Variants in TEX47 observed in about 807,000 individuals in gnomAD.
TEX47 encodes testis expressed 47.
A neutral mutation model predicts 18.0 loss-of-function variants in TEX47; 18 were observed. That is an observed-to-expected ratio of 1.00 (90% confidence interval 0.69 to 1.48). The LOEUF (loss-of-function observed/expected upper bound fraction) is 1.48, where lower values mean the gene tolerates loss of function less well. Ranked by LOEUF, TEX47 falls within the 40% of genes most tolerant of loss-of-function variation. The pLI is 0.00. For missense variants in TEX47, 303 were observed against 300.2 expected (o/e 1.01, Z -0.07); for synonymous variants, 98 against 109.4 (o/e 0.90, Z 0.65).
In TEX47 at chr7:88,794,915, C is replaced by A. The variant is rs1429705170; in HGVS notation, c.28G>T (p.Gly10Cys). The change falls in exon 2 of 2, where the codon GGC becomes TGC. Residue 10 changes from glycine to cysteine, a missense_variant. Gly to Cys is a radical substitution (Grantham distance 159, BLOSUM62 -3). Transcript: ENST00000297203. MSFSVHNQK[G>C]SKRPLPLEPL... ...TCCAGTGGCAAAGGCCTTTTGCTGC[C>A]CTTCTGGTTATGGACCGAAAAGGAC... The A allele has an allele frequency of 6.2e-7, 1 of 1,600,690 alleles. No individual in the cohort carries two copies. Among genetic ancestry groups the A allele is most frequent in the Non-Finnish European group, 8.5e-7 (1 of 1,175,912 alleles).
At position 88,794,412 on chromosome 7, in the gene TEX47, TTGTG is replaced by T. The variant is rs778458931; in HGVS notation, c.527_530del (p.Thr176LysfsTer13). 1.5e-5 allele frequency: 24 copies of T among 1,613,664 alleles called. No homozygotes were observed. Among genetic ancestry groups the T allele is most frequent in the Non-Finnish European group, 1.9e-5 (23 of 1,179,822 alleles). ...AAAGGTAGAGTGACAGTTTATGAGT[TTGTG>T]TGAGAAAATCTGTGATGACCTCCTT... On this transcript the variant is annotated frameshift_variant, in exon 2 of 2. Transcript: ENST00000297203. LOFTEE classifies it high-confidence loss of function.
Position 88,794,341 on chromosome 7 carries a change from T to C in TEX47, c.602A>G (p.His201Arg). ...GAGGAGTAGGTCAGGTGCAACTTGG[T>C]GTAAGTTATCGCCTGGTCCTTTAGT... Reference protein sequence around the residue: ...VGTKGPGDNLHQVAPDLLLPE... With the variant: ...VGTKGPGDNLRQVAPDLLLPE... The change falls in exon 2 of 2, where the codon CAC becomes CGC. Residue 201 changes from histidine (H) to arginine (R), a missense_variant. Coordinates refer to ENST00000297203, the MANE Select transcript of TEX47 (RefSeq NM_152706.4). 1 of 1,613,920 alleles carries C rather than the reference T, an allele frequency of 6.2e-7. No homozygotes were observed. The highest frequency in any genetic ancestry group is 8.5e-7 in the Non-Finnish European group (1 of 1,179,902).
rs369839861 is a variant in TEX47, at chr7:88,794,501, C to T, written c.442G>A (p.Val148Ile). 52 of 1,613,714 alleles carry T rather than the reference C, an allele frequency of 3.2e-5. No individual in the cohort carries two copies. Among genetic ancestry groups the T allele is most frequent in the Non-Finnish European group, 4.1e-5 (48 of 1,179,834 alleles). The change falls in exon 2 of 2, where the codon GTT (valine) becomes ATT (isoleucine). Residue 148 changes from valine (V) to isoleucine (I), a missense_variant. Val to Ile is a conservative substitution (Grantham distance 29, BLOSUM62 3). Transcript: ENST00000297203. ...ATAACTGGAACTTTTATCACTGAAA[C>T]ATGCCATTGCATAAAAAGCCTCATT... The part of the protein sequence containing the change: ...IPMRLFMQWH[V>I]SVIKVPVMYL...
chr7:88,795,074 G>A lies in TEX47; in HGVS notation c.-104-28C>T, dbSNP rs1349051403. On this transcript the variant is annotated intron_variant, in intron 1 of 1. Transcript: ENST00000297203. ...GACAAAAAAAAAAAGAGTAAATCAC[G>A]GTTTGTCAAATGTTACTAAATAGTA... is the stretch of plus-strand genomic sequence containing the variant. The A allele has an allele frequency of 2.3e-5, 18 of 771,098 alleles. 1 individual carries two copies. Among genetic ancestry groups the A allele is most frequent in the Middle Eastern group, 6.5e-4 (2 of 3,100 alleles). 47.8% of individuals were successfully genotyped at this position (771,098 alleles called of 1,614,324 possible). A position where few individuals can be genotyped will look rare whatever the true frequency, so the allele number is the denominator to read the frequency against.
In TEX47 at chr7:88,794,651, G is replaced by A. The variant is rs1284447791; in HGVS notation, c.292C>T (p.His98Tyr). The stretch of plus-strand genomic sequence containing the variant: ...GTGTCGCTGGAGGACTCGAGGATAT[G>A]CAGAATGGAAGTGGGATAGATGAGC... ...LLLIYPTSIL[H>Y]ILESSSDTLY... is the part of the protein sequence containing the mutation. The change falls in exon 2 of 2, where the codon CAT becomes TAT. Residue 98 changes from histidine to tyrosine, a missense_variant. Transcript: ENST00000297203. 2 of 1,613,792 alleles carry A rather than the reference G, an allele frequency of 1.2e-6. No individual in the cohort carries two copies. Among genetic ancestry groups the A allele is most frequent in the South Asian group, 2.2e-5 (2 of 91,078 alleles).
chr7:88,794,220 C>T lies in TEX47; in HGVS notation c.723G>A (p.Leu241=). The T allele has an allele frequency of 2.5e-6, 4 of 1,612,858 alleles. No homozygotes were observed. The highest frequency in any genetic ancestry group is 2.2e-5 in the South Asian group (2 of 90,980). Residue 241 remains leucine, a synonymous_variant, in exon 2 of 2, where the codon CTG becomes CTA. Transcript: ENST00000297203. ...NMYNRPIHIT[L]DSEVVWPAPS... Reference sequence around the variant, plus strand: ...GAGCAGGCCATACCACCTCAGAATCCAGAGTGATGTGTATGGGTCTATTAT... The same window carrying T: ...GAGCAGGCCATACCACCTCAGAATCTAGAGTGATGTGTATGGGTCTATTAT...
rs1790451020 is a variant in TEX47 at position 88,794,798 on chromosome 7, T to C, written c.145A>G (p.Arg49Gly). ...TGTATCTTGGCCACTAGAAACATCC[T>C]ATCAAGAAGGAATTTCTTTAGGTGT... ...RLHLKKFLLD[R>G]MFLVAKIQAN... The change falls in exon 2 of 2, where the codon AGG becomes GGG. Residue 49 changes from arginine (R) to glycine (G), a missense_variant. Arg to Gly is a moderately radical substitution (Grantham distance 125). Coordinates refer to ENST00000297203, the MANE Select transcript of TEX47 (RefSeq NM_152706.4). The C allele has an allele frequency of 2.5e-6, 4 of 1,613,722 alleles. No individual in the cohort carries two copies. The highest frequency in any genetic ancestry group is 3.4e-6 in the Non-Finnish European group (4 of 1,179,824).
chr7:88,794,172 C>T lies in TEX47; in HGVS notation c.*9G>A, dbSNP rs758264497. ...CTTAAGAGACATGGGCACATTATCCCTCTCAATCCTAGAAACGTGAAGGAG... is the reference window on the plus strand; with the variant it reads ...CTTAAGAGACATGGGCACATTATCCTTCTCAATCCTAGAAACGTGAAGGAG... On this transcript the variant is annotated 3_prime_UTR_variant, in exon 2 of 2. Transcript: ENST00000297203. 6.3e-7 allele frequency: 1 copy of T among 1,593,308 alleles called. No homozygotes were observed. Among genetic ancestry groups the T allele is most frequent in the Non-Finnish European group, 8.6e-7 (1 of 1,167,654 alleles).
chr7:88,795,520 T>C (rs1247035789), intron 1 of TEX47, 120 bp downstream of exon 1: 1 of 152,114 alleles, frequency 6.6e-6, no homozygotes, highest in Non-Finnish European at 1.5e-5. Flanking sequence ...GATTCATTTC[T>C]CCCCCCTTTA....
chr7:88,795,167 A>G (rs759000788), intron 1 of TEX47, 121 bp from the exon 2 acceptor site: 20 of 388,042 alleles, frequency 5.2e-5, no homozygotes, highest in Non-Finnish European at 7.8e-5. Flanking sequence ...TGTTAAAACA[A>G]TACTCAAACT....
At chr7:88,795,075 G>T (rs1223589554) in intron 1 of TEX47, 29 bp from the exon 2 acceptor site, 96 of 764,164 alleles carry the variant, frequency 1.3e-4, no homozygotes, top group Non-Finnish European at 1.8e-4. Context: ...GTAAATCACG[G>T]TTTGTCAAAT....
At position 88,794,822 on chromosome 7, in the gene TEX47, G is replaced by T. The variant is rs1163870771; in HGVS notation, c.121C>A (p.His41Asn). 8.1e-6 allele frequency: 13 copies of T among 1,613,648 alleles called. No homozygotes were observed. The highest frequency in any genetic ancestry group is 1.1e-5 in the Non-Finnish European group (13 of 1,179,802). ...CTATCAAGAAGGAATTTCTTTAGGT[G>T]TAGTCGTTGTTTCTCTTCTTGAAAG... ...LHFQEEKQRL[H>N]LKKFLLDRMF... Residue 41 changes from histidine (H) to asparagine (N), a missense_variant, in exon 2 of 2, where the codon CAC becomes AAC. Transcript: ENST00000297203.
Position 88,794,310 on chromosome 7 carries a change from T to C in TEX47, c.633A>G (p.Glu211=). 1 of 1,613,886 alleles carries C rather than the reference T, an allele frequency of 6.2e-7. No homozygotes were observed. Among genetic ancestry groups the C allele is most frequent in the South Asian group, 1.1e-5 (1 of 91,080 alleles). Residue 211 remains glutamate, a synonymous_variant, in exon 2 of 2, where the codon GAA becomes GAG. Coordinates refer to ENST00000297203, the MANE Select transcript of TEX47 (RefSeq NM_152706.4). ...ATTTGCACAAGTACTTTATGATTTG[T>C]TCTGGGAGGAGTAGGTCAGGTGCAA... is the stretch of plus-strand genomic sequence containing the variant. ...HQVAPDLLLP[E]QIIKYLCKSE...
rs769288219 is a variant in TEX47, at chr7:88,794,201, G to T, written c.742C>A (p.Pro248Thr). Residue 248 changes from proline to threonine, a missense_variant, in exon 2 of 2, where the codon CCT (proline) becomes ACT (threonine). By Grantham distance (38) the Pro-to-Thr change is conservative. Coordinates refer to ENST00000297203, the MANE Select transcript of TEX47 (RefSeq NM_152706.4). ...CAATCCTAGAAACGTGAAGGAGCAG[G>T]CCATACCACCTCAGAATCCAGAGTG... is the stretch of plus-strand genomic sequence containing the variant. ...HITLDSEVVW[P>T]APSRF is the part of the protein sequence containing the mutation. 6.2e-7 allele frequency: 1 copy of T among 1,611,700 alleles called. No individual in the cohort carries two copies. The highest frequency in any genetic ancestry group is 8.5e-7 in the Non-Finnish European group (1 of 1,178,574).
In TEX47 at chr7:88,795,044, C is replaced by T; in HGVS notation, c.-102G>A. 2 of 963,382 alleles carry T rather than the reference C, an allele frequency of 2.1e-6. No individual in the cohort carries two copies. Among genetic ancestry groups the T allele is most frequent in the East Asian group, 2.9e-5 (1 of 34,218 alleles). 59.7% of individuals were successfully genotyped at this position (963,382 alleles called of 1,614,324 possible). A position where few individuals can be genotyped will look rare whatever the true frequency, so the allele number is the denominator to read the frequency against. ...TACTGATGAACTCGTGTTTTTATTTCTTCTGACAAAAAAAAAAAGAGTAAA... is the reference window on the plus strand; with the variant it reads ...TACTGATGAACTCGTGTTTTTATTTTTTCTGACAAAAAAAAAAAGAGTAAA... On this transcript the variant is annotated splice_region_variant and 5_prime_UTR_variant, in exon 2 of 2. Coordinates refer to ENST00000297203, the MANE Select transcript of TEX47 (RefSeq NM_152706.4).
In TEX47 at chr7:88,794,992, A is replaced by G; in HGVS notation, c.-50T>C. ...ATGATTCCAGCTTTTAGCTTATCAT[A>G]ATATTTATGCTGCCAGGGTACCTCT... On this transcript the variant is annotated 5_prime_UTR_variant, in exon 2 of 2. Transcript: ENST00000297203. 1 of 1,471,556 alleles carries G rather than the reference A, an allele frequency of 6.8e-7. No homozygotes were observed. Among genetic ancestry groups the G allele is most frequent in the South Asian group, 1.4e-5 (1 of 69,008 alleles). The allele number at this position is 1,471,556 out of a possible 1,614,324, so 91.2% of individuals were successfully genotyped here.
chr7:88,794,725 A>C lies in TEX47; in HGVS notation c.218T>G (p.Phe73Cys). The C allele has an allele frequency of 6.2e-7, 1 of 1,613,618 alleles. No individual in the cohort carries two copies. Among genetic ancestry groups the C allele is most frequent in the Non-Finnish European group, 8.5e-7 (1 of 1,179,758 alleles). The change falls in exon 2 of 2, where the codon TTT becomes TGT. Residue 73 changes from phenylalanine (F) to cysteine (C), a missense_variant. Transcript: ENST00000297203. ...KDVADYYEQMFQSVLKHHLGE... is the reference protein window; with the variant it reads ...KDVADYYEQMCQSVLKHHLGE... ...TAGGTGATGTTTCAAAACTGACTGA[A>C]ACATTTGTTCATAGTAGTCAGCAAC...
Position 88,794,149 on chromosome 7 carries a change from T to G in TEX47, c.*32A>C. On this transcript the variant is annotated 3_prime_UTR_variant, in exon 2 of 2. Transcript: ENST00000297203. ...TTTTATTTAAGTAGCACAAACTCCT[T>G]AAGAGACATGGGCACATTATCCCTC... is the stretch of plus-strand genomic sequence containing the variant. 2 of 1,550,680 alleles carry G rather than the reference T, an allele frequency of 1.3e-6. No individual in the cohort carries two copies. The highest frequency in any genetic ancestry group is 1.7e-6 in the Non-Finnish European group (2 of 1,149,022).
Position 88,794,482 on chromosome 7 carries a change from GGAACTTTTATCACT to G in TEX47, c.447_460del (p.Val150SerfsTer26). 1 of 1,613,882 alleles carries G rather than the reference GGAACTTTTATCACT, an allele frequency of 6.2e-7. No individual in the cohort carries two copies. The highest frequency in any genetic ancestry group is 8.5e-7 in the Non-Finnish European group (1 of 1,179,890). On this transcript the variant is annotated frameshift_variant, in exon 2 of 2. Transcript: ENST00000297203. LOFTEE classifies it high-confidence loss of function. ...TGTCACATCGTCGAGATACATAACTGGAACTTTTATCACTGAAACATGCCATTGCATAAAAAGCC... is the reference window on the plus strand; with the variant it reads ...TGTCACATCGTCGAGATACATAACTGGAAACATGCCATTGCATAAAAAGCC...
Sources: gnomAD v4.1 joint callset for allele counts on GRCh38, gnomAD v4.1.1 for gene constraint, MANE v1.5 for transcripts, NCBI Gene and HGNC (gene_info 2026-07-23, HGNC 2026-07-21) for gene names.